RFC3: variants seen among roughly 807,000 people sequenced by gnomAD.
The protein encoded by RFC3 is A1 38 kDa subunit.
Under a neutral mutation model 45.1 loss-of-function variants are expected in RFC3, and 41 were observed. That is an observed-to-expected ratio of 0.91 (90% CI 0.71 to 1.18). The LOEUF (loss-of-function observed/expected upper bound fraction) is 1.18, where lower values mean the gene tolerates loss of function less well. Among genes scored for constraint, RFC3 ranks in the 50% most tolerant of loss-of-function variants. The pLI is 0.00. For synonymous variants in RFC3, 149 were observed against 144.0 expected, an observed-to-expected ratio of 1.03 and a Z score of -0.25; for missense variants, 423 against 428.1, an observed-to-expected ratio of 0.99 and a Z score of 0.10.
At position 33,837,151 on chromosome 13, in the gene RFC3, G is replaced by C; in HGVS notation, c.*856G>C. 1.3e-5 allele frequency: 9 copies of C among 708,218 alleles called. No individual in the cohort carries two copies. Among genetic ancestry groups the C allele is most frequent in the Non-Finnish European group, 1.6e-5 (9 of 577,240 alleles). The allele number at this position is 708,218 out of a possible 1,614,324, so 43.9% of individuals were successfully genotyped here. A position where few individuals can be genotyped will look rare whatever the true frequency, so the allele number is the denominator to read the frequency against. On this transcript the variant is annotated 3_prime_UTR_variant, in exon 9 of 9. Coordinates refer to ENST00000380071, the MANE Select transcript of RFC3 (RefSeq NM_002915.4). ...AAGGGTACAGTTTGATTTTTGACCA[G>C]TGAAACTATGATCCCAATCAAGGTA...
At chr13:33,951,422 G>A (rs1269781266) in intron 8 of RFC3, among the ~76,000 whole-genome samples, 1 of 151,798 alleles carries the variant, frequency 6.6e-6, no homozygotes, top group African/African-American at 2.4e-5. Context: ...CAGTAGAGAC[G>A]GGGTTTCACC....
At chr13:33,975,110 T>C in the RFC3 span, among the ~76,000 whole-genome samples, 1 of 152,210 alleles carries the variant, frequency 6.6e-6, no homozygotes, top group Non-Finnish European at 1.5e-5. Flanking sequence ...GCAACTTCAT[T>C]TATAATCACC....
intron 8 of RFC3, among the ~76,000 whole-genome samples, chr13:33,958,310 C>A (rs1387551638): frequency 6.6e-6 from 1 of 152,184 alleles, no homozygotes. Context: ...GGCAGGGTCC[C>A]GTCTAGGGAG....
intron 8 of RFC3, among the ~76,000 whole-genome samples, chr13:33,908,791 G>A (rs1359024685): frequency 6.6e-6 from 1 of 152,014 alleles, no homozygotes; most frequent in Non-Finnish European, 1.5e-5. Context: ...AAGAGCCAAT[G>A]ACATAAGTTC....
intron 8 of RFC3, among the ~76,000 whole-genome samples, chr13:33,864,064 C>T (rs2082358154): frequency 6.6e-6 from 1 of 152,136 alleles, no homozygotes; most frequent in African/African-American, 2.4e-5. Context: ...CAGGAAGCTT[C>T]CACTCATGGT....
At chr13:33,930,922 T>A (rs925299275) in intron 8 of RFC3, among the ~76,000 whole-genome samples, 1 of 152,140 alleles carries the variant, frequency 6.6e-6, no homozygotes, top group African/African-American at 2.4e-5. Context: ...GTATAATCTA[T>A]CATTTCTTAA....
At position 33,916,906 on chromosome 13, in the gene RFC3, A is replaced by G. The variant is rs115249799; in HGVS notation, c.880-49181A>G. 1.7e-3 allele frequency among the ~76,000 whole-genome samples: 253 copies of G among 152,276 alleles called. 1 individual carries two copies. Among genetic ancestry groups the G allele is most frequent in the African/African-American group, 5.9e-3 (244 of 41,568 alleles). On this transcript the variant is annotated intron_variant, in intron 8 of 8. Transcript: ENST00000434425. ...GTTTATATAACTTCCCACATTTCCA[A>G]GGTTACTGACATAATTTAACACCCA...
intron 8 of RFC3, among the ~76,000 whole-genome samples, chr13:33,920,239 A>G (rs1205505414): frequency 6.6e-6 from 1 of 152,086 alleles, no homozygotes; most frequent in Non-Finnish European, 1.5e-5. Context: ...GAATCTTCAC[A>G]AGGATTAAAA....
chr13:33,859,997 A>G (rs1470779264), intron 8 of RFC3, among the ~76,000 whole-genome samples: 1 of 152,178 alleles, frequency 6.6e-6, no homozygotes, highest in Non-Finnish European at 1.5e-5. Flanking sequence ...TGGTGACCTC[A>G]TAAGATGAGG....
chr13:33,839,005 A>G (rs968911764), downstream of RFC3, among the ~76,000 whole-genome samples: 1 of 152,024 alleles, frequency 6.6e-6, no homozygotes, highest in Non-Finnish European at 1.5e-5. Flanking sequence ...GCCTGGCTTT[A>G]TCCTTCTGTC....
intron 8 of RFC3, among the ~76,000 whole-genome samples, chr13:33,885,480 AC>A (rs1283997513): frequency 4.0e-5 from 6 of 151,764 alleles, no homozygotes; most frequent in Admixed American, 2.6e-4. Context: ...CTCAGCCCTT[AC>A]CCCCTCCTCC....
intron 8 of RFC3, among the ~76,000 whole-genome samples, chr13:33,872,944 G>A (rs1465085868): frequency 6.6e-6 from 1 of 152,014 alleles, no homozygotes; most frequent in African/African-American, 2.4e-5. Context: ...TCTACATTCA[G>A]TGATGACTGA....
chr13:33,881,770 G>A (rs1224579013), intron 8 of RFC3, among the ~76,000 whole-genome samples: 2 of 152,104 alleles, frequency 1.3e-5, no homozygotes, highest in African/African-American at 4.8e-5. Context: ...GGCTTTGATG[G>A]TTTGTACTTT....
At chr13:33,918,668 C>T (rs908576433) in intron 8 of RFC3, among the ~76,000 whole-genome samples, 4 of 152,084 alleles carry the variant, frequency 2.6e-5, no homozygotes, top group African/African-American at 7.2e-5. Flanking sequence ...GGCTGATGTA[C>T]ACAATTTGCC....
intron 8 of RFC3, among the ~76,000 whole-genome samples, chr13:33,923,518 G>A (rs562696210): frequency 1.3e-5 from 2 of 152,230 alleles, no homozygotes; most frequent in Admixed American, 1.3e-4. Flanking sequence ...GTTCCCAGGG[G>A]TCTTCAGGCC....
chr13:33,923,393 A>G (rs191726776), intron 8 of RFC3, among the ~76,000 whole-genome samples: 6 of 152,204 alleles, frequency 3.9e-5, no homozygotes, highest in African/African-American at 1.4e-4. Flanking sequence ...GCTGGAGACC[A>G]TGACTGGCAG....
chr13:33,866,470 T>C (rs1390784633), intron 8 of RFC3, among the ~76,000 whole-genome samples: 1 of 152,258 alleles, frequency 6.6e-6, no homozygotes, highest in Non-Finnish European at 1.5e-5. Flanking sequence ...TATAGCTTTC[T>C]TAATGAATTC....
downstream of RFC3, among the ~76,000 whole-genome samples, chr13:33,971,059 A>G (rs1054050338): frequency 1.1e-4 from 16 of 152,216 alleles, no homozygotes; most frequent in Admixed American, 8.5e-4. Flanking sequence ...TAAAAAAAAT[A>G]TAGAATAGAA....
At chr13:33,866,980 G>T (rs2082377731) in intron 8 of RFC3, among the ~76,000 whole-genome samples, 1 of 152,078 alleles carries the variant, frequency 6.6e-6, no homozygotes, top group Admixed American at 6.5e-5. Flanking sequence ...TATACAATTG[G>T]AATAGATTTC....
Sources: allele counts gnomAD v4.1 joint callset (sites outside exome capture counted in the v4.1 genomes callset), GRCh38; gene constraint gnomAD v4.1.1; transcripts MANE v1.5; gene names NCBI Gene and HGNC (gene_info 2026-07-23, HGNC 2026-07-21).